Variants in ENTHD1 observed in about 807,000 individuals in gnomAD.
The protein encoded by ENTHD1 is ENTH domain containing 1, also known as ENTH domain-containing protein 1.
A neutral mutation model predicts 39.1 loss-of-function variants in ENTHD1; 23 were observed. The observed-to-expected ratio is 0.59, with a 90% CI of 0.42 to 0.83. The LOEUF (loss-of-function observed/expected upper bound fraction) is 0.83, where lower values mean the gene tolerates loss of function less well. Among genes scored for constraint, ENTHD1 ranks in the 40% least tolerant of loss-of-function variants. ENTHD1 has a pLI of 0.00. For synonymous variants in ENTHD1, 230 were observed against 258.2 expected (o/e 0.89, Z 1.05); for missense variants, 624 against 705.4 (o/e 0.88, Z 1.31).
At chr22:39,753,101 A>C (rs1224900198) in intron 6 of ENTHD1, among the ~76,000 whole-genome samples, 2 of 152,212 alleles carry the variant, frequency 1.3e-5, no homozygotes, top group African/African-American at 4.8e-5. Flanking sequence ...GATAGGAAAA[A>C]AGGATGAAGG....
intron 2 of ENTHD1, among the ~76,000 whole-genome samples, chr22:39,879,462 C>CAAAAAAAAAAAA (rs34372930): frequency 6.1e-5 from 1 of 16,442 alleles, no homozygotes; most frequent in Non-Finnish European, 1.1e-4. Context: ...GACTCTGTCT[C>CAAAAAAAAAAAA]AAAAAAAAAA....
chr22:39,865,227 C>T (rs2066173535), intron 2 of ENTHD1, among the ~76,000 whole-genome samples: 1 of 152,020 alleles, frequency 6.6e-6, no homozygotes, highest in African/African-American at 2.4e-5. Flanking sequence ...GAGGACTTCT[C>T]CCCAGATCAT....
At chr22:39,822,773 T>G (rs1005403445) in intron 4 of ENTHD1, among the ~76,000 whole-genome samples, 5 of 152,222 alleles carry the variant, frequency 3.3e-5, no homozygotes, top group African/African-American at 9.6e-5. Context: ...GACAGGTCTA[T>G]TTTCAACTTC....
At chr22:39,770,256 C>T (rs2065311196) in intron 5 of ENTHD1, among the ~76,000 whole-genome samples, 1 of 152,110 alleles carries the variant, frequency 6.6e-6, no homozygotes. Flanking sequence ...GTGCTGCCAA[C>T]AAGAGGTGCT....
At chr22:39,809,226 C>G (rs2065666962) in intron 5 of ENTHD1, among the ~76,000 whole-genome samples, 1 of 152,200 alleles carries the variant, frequency 6.6e-6, no homozygotes, top group Admixed American at 6.5e-5. Context: ...CCAAAGAACA[C>G]AGGCCAAAGT....
At chr22:39,765,075 A>G in intron 6 of ENTHD1, 148 bp downstream of exon 6, 1 of 1,311,126 alleles carries the variant, frequency 7.6e-7, no homozygotes, top group Non-Finnish European at 1.0e-6. Flanking sequence ...TGTGTATGGC[A>G]TGTACATTTT....
chr22:39,826,321 T>C (rs1173852857), intron 4 of ENTHD1, among the ~76,000 whole-genome samples: 3 of 152,194 alleles, frequency 2.0e-5, no homozygotes, highest in Non-Finnish European at 4.4e-5. Context: ...TATCAACTTT[T>C]ATTGTTTTTT....
intron 2 of ENTHD1, chr22:39,876,192 T>C (rs570770946): frequency 2.1e-6 from 3 of 1,420,796 alleles, no homozygotes; most frequent in African/African-American, 2.9e-5. Flanking sequence ...AAGCCTTCTG[T>C]ACTTGAAGTT....
At chr22:39,766,971 A>G (rs143165521) in intron 5 of ENTHD1, among the ~76,000 whole-genome samples, 9 of 152,096 alleles carry the variant, frequency 5.9e-5, no homozygotes, top group Non-Finnish European at 1.2e-4. Context: ...ACCCTATCCT[A>G]TTATTGTCTA....
At chr22:39,748,476 C>T (rs1029058712) in intron 6 of ENTHD1, among the ~76,000 whole-genome samples, 7 of 151,410 alleles carry the variant, frequency 4.6e-5, no homozygotes, top group Admixed American at 3.9e-4. Flanking sequence ...GGCTGGAGTG[C>T]AGTGGCGCGA....
intron 3 of ENTHD1, among the ~76,000 whole-genome samples, chr22:39,845,682 T>C (rs1308303653): frequency 6.6e-6 from 1 of 152,234 alleles, no homozygotes; most frequent in African/African-American, 2.4e-5. Flanking sequence ...CACTACATAA[T>C]ACAAAGCTAA....
intron 5 of ENTHD1, among the ~76,000 whole-genome samples, chr22:39,788,574 A>G (rs1047073717): frequency 5.9e-5 from 9 of 152,222 alleles, no homozygotes; most frequent in Admixed American, 5.9e-4. Flanking sequence ...GGAACTCAGA[A>G]TATTACATAA....
chr22:39,859,948 T>A (rs2066126240), intron 3 of ENTHD1, among the ~76,000 whole-genome samples: 1 of 152,194 alleles, frequency 6.6e-6, no homozygotes, highest in Admixed American at 6.5e-5. Flanking sequence ...GCTCCCTCAC[T>A]TCATTCAGGT....
chr22:39,873,199 T>C (rs1164774319), intron 2 of ENTHD1, among the ~76,000 whole-genome samples: 1 of 152,132 alleles, frequency 6.6e-6, no homozygotes, highest in Admixed American at 6.5e-5. Flanking sequence ...GAAATGTATG[T>C]GTGTATGTGT....
chr22:39,845,454 CA>C (rs2065979254), intron 3 of ENTHD1, among the ~76,000 whole-genome samples: 1 of 151,916 alleles, frequency 6.6e-6, no homozygotes, highest in Non-Finnish European at 1.5e-5. Context: ...AATGGCCTGG[CA>C]ACTAAACAAA....
intron 5 of ENTHD1, among the ~76,000 whole-genome samples, chr22:39,804,697 C>T (rs537055992): frequency 5.9e-5 from 9 of 152,226 alleles, no homozygotes; most frequent in African/African-American, 2.2e-4. Context: ...GACATGGTCT[C>T]CCTCCCCACA....
At chr22:39,747,038 G>A (rs958212875) in intron 6 of ENTHD1, among the ~76,000 whole-genome samples, 2 of 152,052 alleles carry the variant, frequency 1.3e-5, no homozygotes, top group South Asian at 4.2e-4. Context: ...CACCCAGACT[G>A]GAGTGCAGTG....
At chr22:39,777,554 A>G (rs546230256) in intron 5 of ENTHD1, among the ~76,000 whole-genome samples, 1 of 152,330 alleles carries the variant, frequency 6.6e-6, no homozygotes, top group Non-Finnish European at 1.5e-5. Context: ...CTACCACTTC[A>G]ATATAAACTT....
chr22:39,834,596 A>T (rs2075775530), intron 4 of ENTHD1, among the ~76,000 whole-genome samples: 1 of 152,208 alleles, frequency 6.6e-6, no homozygotes, highest in South Asian at 2.1e-4. Context: ...AAAACTTGGC[A>T]CACACTTACC....
Sources: allele counts gnomAD v4.1 joint callset (sites outside exome capture counted in the v4.1 genomes callset), GRCh38; gene constraint gnomAD v4.1.1; transcripts MANE v1.5; gene names NCBI Gene and HGNC (gene_info 2026-07-23, HGNC 2026-07-21).